The following AFF1 variants were observed in gnomAD, a reference collection of about 807,000 sequenced individuals.
AFF1 encodes the protein ALF transcription elongation factor 1.
A neutral mutation model predicts 121.7 loss-of-function variants in AFF1; 48 were observed. The observed-to-expected ratio is 0.39, with a 90% CI of 0.31 to 0.50. AFF1 has a LOEUF of 0.50. AFF1 is among the 20% of genes least tolerant of loss of function. The pLI is 0.76. For missense variants in AFF1, 1,523 were observed against 1,511.7 expected (o/e 1.01, Z -0.12); for synonymous variants, 613 against 563.0 (o/e 1.09, Z -1.26).
intron 1 of AFF1, among the ~76,000 whole-genome samples, chr4:86,947,893 ACTTTT>A (rs1720987365): frequency 6.6e-6 from 1 of 151,218 alleles, no homozygotes; most frequent in African/African-American, 2.4e-5. Flanking sequence ...ACTGGGACCC[ACTTTT>A]CTTAAGTGTT....
chr4:86,952,055 C>G lies in AFF1; in HGVS notation c.38+3484C>G, dbSNP rs1027851239. ...AGTCTTGGGTCTGTTGTTGGGCTGT[C>G]TTTTGCTCCATTGATGTGTCTTTTG... On this transcript the variant is annotated intron_variant, in intron 2 of 20. Transcript: ENST00000395146. 4.0e-5 allele frequency among the ~76,000 whole-genome samples: 6 copies of G among 151,400 alleles called. No individual in the cohort carries two copies. The Admixed American group carries it at 4.0e-4, about 10-fold the overall frequency.
intron 2 of AFF1, chr4:87,006,857 C>CTGCCGCT (rs1429752490): frequency 4.4e-6 from 3 of 677,132 alleles, no homozygotes; most frequent in Middle Eastern, 1.4e-3. Context: ...CCGACCCTGC[C>CTGCCGCT]TGCCGCTTGC....
At chr4:86,961,744 C>T (rs1371211358) in intron 2 of AFF1, among the ~76,000 whole-genome samples, 5 of 151,786 alleles carry the variant, frequency 3.3e-5, no homozygotes, top group South Asian at 2.1e-4. Flanking sequence ...CCCTTTTCAT[C>T]GCCGTGGTGA....
At chr4:86,949,646 G>A in intron 2 of AFF1, 2 of 1,522,918 alleles carry the variant, frequency 1.3e-6, no homozygotes, top group Non-Finnish European at 1.8e-6. Flanking sequence ...GAGGGGCTGA[G>A]CCTCAGCAGG....
At chr4:86,971,498 G>A (rs1246912073) in intron 2 of AFF1, among the ~76,000 whole-genome samples, 6 of 152,184 alleles carry the variant, frequency 3.9e-5, no homozygotes, top group African/African-American at 1.4e-4. Flanking sequence ...TATGAATTAA[G>A]CAGTAGTTTA....
At chr4:87,069,255 G>A (rs1392126982) in intron 4 of AFF1, among the ~76,000 whole-genome samples, 3 of 146,610 alleles carry the variant, frequency 2.0e-5, no homozygotes, top group Non-Finnish European at 4.5e-5. Context: ...GACAGGTGGC[G>A]TGGTGTGTGT....
intron 2 of AFF1, chr4:87,020,806 T>C: frequency 7.1e-6 from 7 of 985,384 alleles, no homozygotes; most frequent in Non-Finnish European, 8.4e-6. Flanking sequence ...GATGCACAGG[T>C]AGTCATCATT....
chr4:87,132,441 A>G lies in AFF1; in HGVS notation c.3311+33A>G, dbSNP rs755103045. ...TAAGTCTAATATAAATAATTTCCAG[A>G]ATTGAGTCATTTCTTTATTTACTTC... On this transcript the variant is annotated intron_variant, in intron 19 of 20. Transcript: ENST00000395146. 1.9e-6 allele frequency: 3 copies of G among 1,560,382 alleles called. No individual in the cohort carries two copies. The South Asian group carries it at 3.7e-5, about 19-fold the overall frequency.
At chr4:87,092,010 G>A (rs1008102144) in intron 7 of AFF1, among the ~76,000 whole-genome samples, 181 bp downstream of exon 7, 3 of 152,198 alleles carry the variant, frequency 2.0e-5, no homozygotes, top group South Asian at 2.1e-4. Flanking sequence ...TTGACCAGGC[G>A]CAGTGGCTCA....
chr4:86,944,235 A>G (rs2594279), intron 1 of AFF1, among the ~76,000 whole-genome samples: 71,087 of 151,802 alleles, frequency 0.47, 20,172 homozygotes, highest in South Asian at 0.63. Context: ...AACAACCACT[A>G]TCATTTATTG....
intron 2 of AFF1, among the ~76,000 whole-genome samples, chr4:87,025,477 C>G (rs1264977534): frequency 1.3e-5 from 2 of 152,200 alleles, no homozygotes; most frequent in Non-Finnish European, 2.9e-5. Context: ...ATGTCAGTTC[C>G]TTCCGTCCTG....
At chr4:86,961,024 TGGTTGACAGAGACAA>T (rs1642055573) in intron 2 of AFF1, among the ~76,000 whole-genome samples, 1 of 152,210 alleles carries the variant, frequency 6.6e-6, no homozygotes, top group African/African-American at 2.4e-5. Context: ...CATCCCTGGA[TGGTTGACAGAGACAA>T]GCTATCCTCC....
rs1291933660 is a variant in AFF1 at position 87,105,618 on chromosome 4, C to A, written c.1284-10C>A. 2 of 1,614,126 alleles carry A rather than the reference C, an allele frequency of 1.2e-6. No homozygotes were observed. The highest frequency in any genetic ancestry group is 3.3e-5 in the Admixed American group (2 of 60,018). ...ACATTCATTCTTCTCTGTGTCCCTGCCCATTCCAGCATGCTCGAAGACGAC... is the reference window on the plus strand; with the variant it reads ...ACATTCATTCTTCTCTGTGTCCCTGACCATTCCAGCATGCTCGAAGACGAC... On this transcript the variant is annotated splice_polypyrimidine_tract_variant and intron_variant, in intron 8 of 20. Coordinates refer to ENST00000395146, the MANE Select transcript of AFF1 (RefSeq NM_001166693.3).
intron 2 of AFF1, among the ~76,000 whole-genome samples, chr4:87,043,459 T>C (rs541978835): frequency 6.6e-6 from 1 of 152,324 alleles, no homozygotes; most frequent in Non-Finnish European, 1.5e-5. Flanking sequence ...AAAAAGTGAT[T>C]TCCTAATCAG....
intron 2 of AFF1, among the ~76,000 whole-genome samples, chr4:87,014,238 T>A (rs776420542): frequency 6.6e-6 from 1 of 152,190 alleles, no homozygotes; most frequent in Non-Finnish European, 1.5e-5. Flanking sequence ...CTTTTTTCCA[T>A]GCGTTGTGGG....
chr4:87,036,737 C>A, intron 2 of AFF1: 1 of 487,320 alleles, frequency 2.1e-6, no homozygotes, highest in Non-Finnish European at 4.1e-6. Flanking sequence ...ATATTAACTA[C>A]CCCAGTTAAG....
intron 4 of AFF1, among the ~76,000 whole-genome samples, chr4:87,058,588 A>G (rs776834761): frequency 1.1e-4 from 16 of 150,974 alleles, no homozygotes; most frequent in Non-Finnish European, 2.2e-4. Context: ...GGTGTTCTCA[A>G]CTCCCCCACT....
chr4:87,133,545 T>C (rs1000459309), intron 19 of AFF1, among the ~76,000 whole-genome samples: 1 of 152,210 alleles, frequency 6.6e-6, no homozygotes, highest in African/African-American at 2.4e-5. Flanking sequence ...GTCAATCACA[T>C]TATTTACATA....
At chr4:86,991,460 A>G (rs1279543967) in intron 2 of AFF1, among the ~76,000 whole-genome samples, 1 of 151,780 alleles carries the variant, frequency 6.6e-6, no homozygotes, top group East Asian at 1.9e-4. Flanking sequence ...AAAAAAAAAA[A>G]GAAATATGCA....
Sources: gnomAD v4.1 joint callset for allele counts (sites outside exome capture counted in the v4.1 genomes callset) on GRCh38, gnomAD v4.1.1 for gene constraint, MANE v1.5 for transcripts, NCBI Gene and HGNC (gene_info 2026-07-23, HGNC 2026-07-21) for gene names.